SVIL: variants seen among roughly 807,000 people sequenced by gnomAD.
SVIL encodes the protein supervillin.
Under a neutral mutation model 240.4 loss-of-function variants are expected in SVIL, and 101 were observed. The observed-to-expected ratio is 0.42, with a 90% CI of 0.36 to 0.50. SVIL has a LOEUF of 0.50. Among genes scored for constraint, SVIL ranks in the 20% least tolerant of loss-of-function variants. SVIL has a pLI of 0.01. For missense variants in SVIL, 2,512 were observed against 2,818.7 expected (o/e 0.89, Z 2.46); for synonymous variants, 999 against 1,100.0 (o/e 0.91, Z 1.82).
chr10:29,694,399 C>G (rs1436760133), intron 1 of SVIL, among the ~76,000 whole-genome samples: 2 of 151,886 alleles, frequency 1.3e-5, no homozygotes, highest in Non-Finnish European at 2.9e-5. Context: ...CAACCTGTCT[C>G]TTAAAAAAAT....
chr10:29,659,942 T>C (rs1959108124), intron 2 of SVIL, among the ~76,000 whole-genome samples: 1 of 152,136 alleles, frequency 6.6e-6, no homozygotes, highest in African/African-American at 2.4e-5. Flanking sequence ...TCCAAACTGG[T>C]TTAAAAAATC....
chr10:29,623,390 C>T (rs997215060), intron 1 of SVIL, among the ~76,000 whole-genome samples: 4 of 152,202 alleles, frequency 2.6e-5, no homozygotes, highest in Admixed American at 1.3e-4. Context: ...TGAGAATACA[C>T]CCATCAACAG....
chr10:29,486,046 TGTGGTTTCTCACTGAA>T, intron 26 of SVIL, 23 bp downstream of exon 26: 1 of 1,578,424 alleles, frequency 6.3e-7, no homozygotes, highest in East Asian at 3.7e-5. Flanking sequence ...GTGCTTTCAA[TGTGGTTTCTCACTGAA>T]GGGCAGAGCC....
chr10:29,547,943 C>A (rs1952844405), intron 6 of SVIL, among the ~76,000 whole-genome samples: 1 of 152,124 alleles, frequency 6.6e-6, no homozygotes, highest in African/African-American at 2.4e-5. Flanking sequence ...GTAACTAAAC[C>A]AAGAACGTGG....
chr10:29,605,378 C>A (rs1486170820), intron 1 of SVIL, among the ~76,000 whole-genome samples: 1 of 152,242 alleles, frequency 6.6e-6, no homozygotes, highest in Non-Finnish European at 1.5e-5. Flanking sequence ...CGTCTCCCCC[C>A]AGCCTCAGCA....
chr10:29,466,335 G>A (rs1162822673), intron 33 of SVIL, among the ~76,000 whole-genome samples: 1 of 151,910 alleles, frequency 6.6e-6, no homozygotes, highest in Non-Finnish European at 1.5e-5. Flanking sequence ...ACAAAACAAT[G>A]CTTAGCTATC....
intron 1 of SVIL, among the ~76,000 whole-genome samples, chr10:29,605,613 T>G (rs548534704): frequency 1.3e-5 from 2 of 151,760 alleles, no homozygotes; most frequent in East Asian, 3.9e-4. Flanking sequence ...ATATTAGCCA[T>G]TTGTTTGTGA....
At chr10:29,509,674 C>A (rs528180747) in intron 17 of SVIL, among the ~76,000 whole-genome samples, 216 of 151,896 alleles carry the variant, frequency 1.4e-3, no homozygotes, top group Middle Eastern at 6.8e-3. Context: ...CGTGGAGAAA[C>A]CCCGTCTCTA....
intron 1 of SVIL, among the ~76,000 whole-genome samples, chr10:29,605,390 A>G (rs1956982967): frequency 6.6e-6 from 1 of 152,214 alleles, no homozygotes; most frequent in Admixed American, 6.5e-5. Context: ...GCCTCAGCAG[A>G]GTGCAAGAGC....
At chr10:29,643,986 C>T (rs1257586208) in intron 3 of SVIL, 6 of 518,442 alleles carry the variant, frequency 1.2e-5, no homozygotes, top group Non-Finnish European at 1.9e-5. Flanking sequence ...GGAGCAACAT[C>T]GCGTTCCTGG....
chr10:29,688,743 T>C (rs1302286176), intron 1 of SVIL, among the ~76,000 whole-genome samples: 2 of 152,218 alleles, frequency 1.3e-5, no homozygotes, highest in Non-Finnish European at 1.5e-5. Context: ...GATGCTCAGT[T>C]GCCCAGTGAT....
chr10:29,471,213 AG>A lies in SVIL; in HGVS notation c.5559del (p.Cys1854ValfsTer53). 1 of 1,613,206 alleles carries A rather than the reference AG, an allele frequency of 6.2e-7. No homozygotes were observed. Among genetic ancestry groups the A allele is most frequent in the Non-Finnish European group, 8.5e-7 (1 of 1,179,346 alleles). On this transcript the variant is annotated frameshift_variant, in exon 31 of 38. Transcript: ENST00000355867. LOFTEE classifies it high-confidence loss of function. ...QVQVLQGKEP[P>X]CFLQCFQGGM... is the part of the protein sequence containing the mutation. ...CCCCCCTGGAAACACTGCAGGAAAC[AG>A]GGGGGCTCCTTTCCCTGGAGAACCT...
chr10:29,646,410 C>A (rs775685467), intron 3 of SVIL, among the ~76,000 whole-genome samples: 4 of 152,084 alleles, frequency 2.6e-5, no homozygotes, highest in Non-Finnish European at 5.9e-5. Flanking sequence ...ATCACTTTCA[C>A]AAATCCGCTG....
chr10:29,522,690 A>G, intron 15 of SVIL, 55 bp from the exon 16 acceptor site: 1 of 1,562,956 alleles, frequency 6.4e-7, no homozygotes. Context: ...ACATTCTTCC[A>G]GCGATTCGCC....
At chr10:29,640,657 C>T (rs758881791) in intron 3 of SVIL, among the ~76,000 whole-genome samples, 27 of 152,222 alleles carry the variant, frequency 1.8e-4, no homozygotes, top group Non-Finnish European at 3.7e-4. Context: ...TCCCCATCGG[C>T]AACTTGGCCA....
At chr10:29,647,092 C>T (rs1003443840) in intron 3 of SVIL, 4 of 152,200 alleles carry the variant, frequency 2.6e-5, no homozygotes, top group African/African-American at 9.7e-5. Flanking sequence ...AGAGGACATG[C>T]TTAGGACAAG....
intron 17 of SVIL, among the ~76,000 whole-genome samples, chr10:29,511,684 A>G (rs1219646200): frequency 6.6e-6 from 1 of 152,228 alleles, no homozygotes; most frequent in African/African-American, 2.4e-5. Context: ...ACAAATGGCC[A>G]AGGCTTAAAT....
intron 3 of SVIL, among the ~76,000 whole-genome samples, chr10:29,557,451 C>T (rs185903526): frequency 7.9e-5 from 12 of 152,120 alleles, no homozygotes; most frequent in South Asian, 4.2e-4. Context: ...GTATCAAAAC[C>T]GTTAATAAAC....
intron 1 of SVIL, among the ~76,000 whole-genome samples, chr10:29,571,147 C>T (rs1207121451): frequency 1.3e-5 from 2 of 152,174 alleles, no homozygotes; most frequent in African/African-American, 4.8e-5. Context: ...AGGACTAGAG[C>T]GACCAGGCAC....
Sources: gnomAD v4.1 joint callset for allele counts (sites outside exome capture counted in the v4.1 genomes callset) on GRCh38, gnomAD v4.1.1 for gene constraint, MANE v1.5 for transcripts, NCBI Gene and HGNC (gene_info 2026-07-23, HGNC 2026-07-21) for gene names.